Variants in ACTR3C observed in about 807,000 individuals in gnomAD.
ACTR3C encodes actin related protein 3C, also known as actin-related protein 3C.
Under a neutral mutation model 26.3 loss-of-function variants are expected in ACTR3C, and 18 were observed. The ratio of observed to expected loss-of-function variants is 0.68; its 90% confidence interval spans 0.47 to 1.01. The LOEUF (loss-of-function observed/expected upper bound fraction) is 1.01, where lower values mean the gene tolerates loss of function less well. Ranked by LOEUF, ACTR3C falls within the 50% of genes least tolerant of loss-of-function variation. The pLI is 0.00. For missense variants in ACTR3C, 184 were observed against 250.7 expected, an observed-to-expected ratio of 0.73 and a Z score of 1.80; for synonymous variants, 55 against 94.5, an observed-to-expected ratio of 0.58 and a Z score of 2.42.
downstream of ACTR3C, chr7:150,244,131 A>G (rs1329644125): frequency 2.4e-5 from 3 of 127,596 alleles, no homozygotes; most frequent in Non-Finnish European, 4.8e-5. Flanking sequence ...ATATAGTCTT[A>G]GAATATTGAA....
chr7:150,069,293 A>G, the ACTR3C span, among the ~76,000 whole-genome samples: 1 of 152,192 alleles, frequency 6.6e-6, no homozygotes, highest in Non-Finnish European at 1.5e-5. Flanking sequence ...TTAAGTTCAC[A>G]GGCCCCTGGG....
chr7:150,198,429 A>G, the ACTR3C span, among the ~76,000 whole-genome samples: 1 of 136,992 alleles, frequency 7.3e-6, no homozygotes, highest in Non-Finnish European at 1.6e-5. Context: ...CATCACATCT[A>G]GGAAGTGAGG....
intron 6 of ACTR3C, among the ~76,000 whole-genome samples, chr7:150,268,146 A>G (rs1834188612): frequency 6.6e-6 from 1 of 151,178 alleles, no homozygotes; most frequent in Non-Finnish European, 1.5e-5. Context: ...GCCAATGTGT[A>G]CAGTCTCTAA....
the ACTR3C span, among the ~76,000 whole-genome samples, chr7:150,006,053 G>A: frequency 6.6e-6 from 1 of 152,150 alleles, no homozygotes; most frequent in African/African-American, 2.4e-5. Flanking sequence ...CTAAGCAGGG[G>A]AGGTGGAGGA....
At chr7:150,182,434 A>G in the ACTR3C span, among the ~76,000 whole-genome samples, 3 of 150,864 alleles carry the variant, frequency 2.0e-5, no homozygotes, top group Admixed American at 1.3e-4. Flanking sequence ...TTATTCAAAT[A>G]TTGCAAATAA....
chr7:150,036,993 TC>T, the ACTR3C span, among the ~76,000 whole-genome samples: 6 of 44,076 alleles, frequency 1.4e-4, no homozygotes, highest in Non-Finnish European at 2.6e-4. Context: ...GGGGGGTGCC[TC>T]CGCCCCCCTG....
At chr7:150,206,215 A>G in the ACTR3C span, among the ~76,000 whole-genome samples, 5 of 152,162 alleles carry the variant, frequency 3.3e-5, no homozygotes, top group African/African-American at 1.2e-4. Flanking sequence ...CTAGTATCTT[A>G]TACAGCCTCC....
At chr7:150,276,862 C>T (rs1165312073) in intron 6 of ACTR3C, among the ~76,000 whole-genome samples, 2 of 152,116 alleles carry the variant, frequency 1.3e-5, no homozygotes, top group Non-Finnish European at 2.9e-5. Flanking sequence ...TCTTCTCAGG[C>T]GACTCCTTCT....
the ACTR3C span, among the ~76,000 whole-genome samples, chr7:150,041,681 G>C: frequency 7.0e-6 from 1 of 142,086 alleles, no homozygotes; most frequent in Non-Finnish European, 1.5e-5. Flanking sequence ...GGGTGGAAGA[G>C]GGGATAACTC....
At chr7:150,192,277 A>C in the ACTR3C span, among the ~76,000 whole-genome samples, 2 of 151,388 alleles carry the variant, frequency 1.3e-5, no homozygotes, top group African/African-American at 4.9e-5. Flanking sequence ...TTTTTAGAAT[A>C]TGTTGAATAA....
downstream of ACTR3C, among the ~76,000 whole-genome samples, chr7:150,239,050 T>TC (rs1832028508): frequency 6.6e-6 from 1 of 152,080 alleles, no homozygotes; most frequent in Non-Finnish European, 1.5e-5. Context: ...CTTACTGGTT[T>TC]GTTTTCATCC....
the ACTR3C span, among the ~76,000 whole-genome samples, chr7:150,222,494 AT>A: frequency 0.11 from 17,206 of 152,170 alleles, 2,306 homozygotes; most frequent in African/African-American, 0.33. Flanking sequence ...CTTCACATTA[AT>A]TTACAGACAC....
the ACTR3C span, among the ~76,000 whole-genome samples, chr7:149,910,525 G>A: frequency 1.3e-5 from 2 of 152,068 alleles, no homozygotes; most frequent in South Asian, 4.2e-4. Context: ...GTTGAAACGC[G>A]GTAAGTAAAT....
chr7:150,148,001 G>A, the ACTR3C span, among the ~76,000 whole-genome samples: 13 of 147,088 alleles, frequency 8.8e-5, no homozygotes, highest in African/African-American at 3.3e-4. Context: ...GCCAGAGGGC[G>A]GAGAATGGGA....
chr7:150,205,541 A>G, the ACTR3C span, among the ~76,000 whole-genome samples: 1 of 151,792 alleles, frequency 6.6e-6, no homozygotes, highest in African/African-American at 2.4e-5. Context: ...GCTCTATAAC[A>G]CATTAGTAAA....
chr7:150,238,670 T>C, the ACTR3C span, among the ~76,000 whole-genome samples: 2 of 147,052 alleles, frequency 1.4e-5, no homozygotes, highest in Admixed American at 6.7e-5. Flanking sequence ...TGGATTGTTA[T>C]GACATTTGCA....
the ACTR3C span, among the ~76,000 whole-genome samples, chr7:150,127,519 T>G: frequency 6.6e-6 from 1 of 151,798 alleles, no homozygotes; most frequent in Non-Finnish European, 1.5e-5. Context: ...CACAAAATTC[T>G]GCAGCAGCGT....
the ACTR3C span, among the ~76,000 whole-genome samples, chr7:150,184,121 T>C: frequency 6.6e-6 from 1 of 150,804 alleles, no homozygotes; most frequent in Non-Finnish European, 1.5e-5. Context: ...ATACACACTA[T>C]TTCTTGCTTT....
intron 4 of ACTR3C, among the ~76,000 whole-genome samples, chr7:150,287,281 G>T (rs1835860631): frequency 6.6e-6 from 1 of 152,052 alleles, no homozygotes; most frequent in Admixed American, 6.5e-5. Context: ...ATAAGTAAAT[G>T]ACATGGTAGG....
Sources: gnomAD v4.1 joint callset for allele counts (sites outside exome capture counted in the v4.1 genomes callset) on GRCh38, gnomAD v4.1.1 for gene constraint, MANE v1.5 for transcripts, NCBI Gene and HGNC (gene_info 2026-07-23, HGNC 2026-07-21) for gene names.